Variants in AFG1L observed in about 807,000 individuals in gnomAD.
The protein encoded by AFG1L is AFG1 like ATPase.
AFG1L carries 53 observed loss-of-function variants against 62.2 expected under a neutral mutation model. The observed-to-expected ratio is 0.85, with a 90% CI of 0.68 to 1.07. AFG1L has a LOEUF of 1.07. Among genes scored for constraint, AFG1L ranks in the 50% least tolerant of loss-of-function variants. AFG1L has a pLI of 0.00. For synonymous variants in AFG1L, 228 were observed against 210.3 expected, an observed-to-expected ratio of 1.08 and a Z score of -0.73; for missense variants, 555 against 590.5, an observed-to-expected ratio of 0.94 and a Z score of 0.62.
chr6:108,411,740 C>T (rs1782123793), intron 7 of AFG1L, among the ~76,000 whole-genome samples: 1 of 152,166 alleles, frequency 6.6e-6, no homozygotes, highest in Non-Finnish European at 1.5e-5. Context: ...ACATCCACAC[C>T]AAAACCCCAT....
At position 108,364,881 on chromosome 6, in the gene AFG1L, A is replaced by G. The variant is rs558646300; in HGVS notation, c.649-1352A>G. Among the ~76,000 whole-genome samples, 357 of 151,826 alleles carry G rather than the reference A, an allele frequency of 2.4e-3. 1 individual carries two copies. The highest frequency in any genetic ancestry group is 3.6e-3 in the Non-Finnish European group (245 of 67,888). Reference sequence around the variant, plus strand: ...TGAGACAGCCAAAAAAAAAAAAAAAAAAAAAGTACATCTCTATTTCATGGT... The same window carrying G: ...TGAGACAGCCAAAAAAAAAAAAAAAGAAAAAGTACATCTCTATTTCATGGT... On this transcript the variant is annotated intron_variant, in intron 5 of 12. Transcript: ENST00000368977.
chr6:108,401,934 A>G lies in AFG1L; in HGVS notation c.749-62A>G, dbSNP rs571478230. Reference sequence around the variant, plus strand: ...GTAGAAAGCTTTATTTGCCAGGCTAAACGATAAATTAACATCATGATTTAG... The same window carrying G: ...GTAGAAAGCTTTATTTGCCAGGCTAGACGATAAATTAACATCATGATTTAG... On this transcript the variant is annotated intron_variant, in intron 6 of 12. Transcript: ENST00000368977. 1.6e-5 allele frequency: 12 copies of G among 754,540 alleles called. 1 individual carries two copies. In the South Asian group the frequency reaches 2.0e-4, roughly 12 times the overall value. The allele number at this position is 754,540 out of a possible 1,614,324, so 46.7% of individuals were successfully genotyped here. A position where few individuals can be genotyped will look rare whatever the true frequency, so the allele number is the denominator to read the frequency against.
At position 108,355,335 on chromosome 6, in the gene AFG1L, T is replaced by G. The variant is rs559490752; in HGVS notation, c.416-319T>G. Among the ~76,000 whole-genome samples, 27 of 152,322 alleles carry G rather than the reference T, an allele frequency of 1.8e-4. No homozygotes were observed. In the East Asian group the frequency reaches 3.3e-3, roughly 18 times the overall value. ...AAATATTTAATTAAGTTATTTTATT[T>G]ATGCTAGTGTCTTTTGGAAGAGAAG... On this transcript the variant is annotated intron_variant, in intron 3 of 12. Coordinates refer to ENST00000368977, the MANE Select transcript of AFG1L (RefSeq NM_145315.5).
At chr6:108,445,825 A>G (rs1427611462) in intron 7 of AFG1L, among the ~76,000 whole-genome samples, 2 of 152,158 alleles carry the variant, frequency 1.3e-5, no homozygotes, top group East Asian at 1.9e-4. Flanking sequence ...GTGATCACCG[A>G]TCATATAATT....
chr6:108,331,388 A>G (rs973623227), intron 2 of AFG1L, among the ~76,000 whole-genome samples: 1 of 152,198 alleles, frequency 6.6e-6, no homozygotes, highest in Non-Finnish European at 1.5e-5. Context: ...CTGTAAGTCT[A>G]TGCTATAATA....
At chr6:108,358,680 C>T (rs892697566) in intron 5 of AFG1L, among the ~76,000 whole-genome samples, 4 of 152,030 alleles carry the variant, frequency 2.6e-5, no homozygotes, top group Non-Finnish European at 5.9e-5. Flanking sequence ...TACAGGTGGG[C>T]GCCACCATGC....
At chr6:108,313,632 C>T (rs1777490273) in intron 1 of AFG1L, among the ~76,000 whole-genome samples, 1 of 152,136 alleles carries the variant, frequency 6.6e-6, no homozygotes. Flanking sequence ...CTTAACCTTC[C>T]TGGGCTCAAG....
chr6:108,355,807 A>T (rs754482722), intron 4 of AFG1L, 52 bp downstream of exon 4: 1 of 1,203,660 alleles, frequency 8.3e-7, no homozygotes, highest in African/African-American at 1.5e-5. Context: ...ACGCTACAAA[A>T]TGGTTTTCTT....
chr6:108,359,371 G>A (rs555770113), intron 5 of AFG1L: 1 of 152,346 alleles, frequency 6.6e-6, no homozygotes, highest in Non-Finnish European at 1.5e-5. Flanking sequence ...CCACAGAAAG[G>A]ATTTTTCAGA....
At chr6:108,478,264 C>A (rs985727577) in intron 10 of AFG1L, among the ~76,000 whole-genome samples, 35 of 152,248 alleles carry the variant, frequency 2.3e-4, no homozygotes, top group African/African-American at 7.9e-4. Flanking sequence ...GGTGAAACCT[C>A]GTCTCTACTA....
At chr6:108,405,856 A>G (rs1296308522) in intron 7 of AFG1L, among the ~76,000 whole-genome samples, 1 of 152,182 alleles carries the variant, frequency 6.6e-6, no homozygotes, top group African/African-American at 2.4e-5. Flanking sequence ...TTTTCTAGAT[A>G]CTTCATGTAA....
At chr6:108,325,706 G>A (rs750527541) in intron 2 of AFG1L, among the ~76,000 whole-genome samples, 1 of 151,866 alleles carries the variant, frequency 6.6e-6, no homozygotes, top group Non-Finnish European at 1.5e-5. Flanking sequence ...GGCTGGTCTC[G>A]AACTCCTGAC....
Position 108,356,827 on chromosome 6 carries a change from T to C in AFG1L, c.648+7T>C. 1 of 1,604,912 alleles carries C rather than the reference T, an allele frequency of 6.2e-7. No homozygotes were observed. Among genetic ancestry groups the C allele is most frequent in the Non-Finnish European group, 8.5e-7 (1 of 1,176,710 alleles). On this transcript the variant is annotated splice_region_variant and intron_variant, in intron 5 of 12. Transcript: ENST00000368977. ...ATGTTTTGATGAATTTCAGGTAAAGTAGAGATTTTTCATAGATATAGAATG... is the reference window on the plus strand; with the variant it reads ...ATGTTTTGATGAATTTCAGGTAAAGCAGAGATTTTTCATAGATATAGAATG...
intron 3 of AFG1L, among the ~76,000 whole-genome samples, chr6:108,352,002 A>G (rs1416858807): frequency 6.6e-6 from 1 of 152,190 alleles, no homozygotes; most frequent in Non-Finnish European, 1.5e-5. Context: ...TTCAGTGTAT[A>G]ATTCAGTAGT....
intron 10 of AFG1L, among the ~76,000 whole-genome samples, chr6:108,496,907 G>A (rs1332628373): frequency 2.0e-5 from 3 of 151,936 alleles, no homozygotes; most frequent in African/African-American, 7.3e-5. Context: ...ATCATGGCAT[G>A]TTTCCATATC....
chr6:108,504,418 A>G (rs1774320130), intron 10 of AFG1L, among the ~76,000 whole-genome samples: 1 of 152,248 alleles, frequency 6.6e-6, no homozygotes, highest in South Asian at 2.1e-4. Context: ...GGGAACAGCC[A>G]GTGGTGGAGC....
At chr6:108,521,238 C>T (rs1582700072) in intron 12 of AFG1L, 1 of 152,158 alleles carries the variant, frequency 6.6e-6, no homozygotes, top group South Asian at 2.1e-4. Flanking sequence ...AATCCTAGCA[C>T]TTTGGGAGGC....
intron 10 of AFG1L, among the ~76,000 whole-genome samples, chr6:108,484,123 A>G (rs1159334906): frequency 6.6e-6 from 1 of 152,230 alleles, no homozygotes; most frequent in African/African-American, 2.4e-5. Flanking sequence ...GGATGCCAAC[A>G]GTGGTAATTA....
chr6:108,424,840 C>T (rs369021664), intron 7 of AFG1L, among the ~76,000 whole-genome samples: 1 of 152,198 alleles, frequency 6.6e-6, no homozygotes, highest in East Asian at 1.9e-4. Context: ...TATGTGTTTA[C>T]AAGTTTCAGA....
Sources: gnomAD v4.1 joint callset for allele counts (sites outside exome capture counted in the v4.1 genomes callset) on GRCh38, gnomAD v4.1.1 for gene constraint, MANE v1.5 for transcripts, NCBI Gene and HGNC (gene_info 2026-07-23, HGNC 2026-07-21) for gene names.